The following SPMIP7 variants were observed in gnomAD, a reference collection of about 807,000 sequenced individuals.
The protein encoded by SPMIP7 is sperm microtubule inner protein 7, also known as protein SPMIP7.
At chr7:50,153,704 G>A in the SPMIP7 span, among the ~76,000 whole-genome samples, 1 of 152,168 alleles carries the variant, frequency 6.6e-6, no homozygotes, top group Non-Finnish European at 1.5e-5. Context: ...CTCTGGGAGG[G>A]GGCACTAGAG....
At chr7:50,095,961 G>A in the SPMIP7 span, 929 of 610,112 alleles carry the variant, frequency 1.5e-3, 4 homozygotes, top group African/African-American at 0.016. Flanking sequence ...CATTTAGAAA[G>A]CTGTGTCAAT....
At chr7:50,152,033 AC>A in the SPMIP7 span, among the ~76,000 whole-genome samples, 1 of 152,220 alleles carries the variant, frequency 6.6e-6, no homozygotes. Context: ...ATATTTTTAA[AC>A]CCACATTTTG....
At chr7:50,157,452 A>G in the SPMIP7 span, among the ~76,000 whole-genome samples, 1 of 152,198 alleles carries the variant, frequency 6.6e-6, no homozygotes, top group Non-Finnish European at 1.5e-5. Flanking sequence ...ACACCCTCCC[A>G]CCAGAATGTA....
the SPMIP7 span, chr7:50,096,091 T>G: frequency 6.8e-7 from 1 of 1,472,666 alleles, no homozygotes; most frequent in Non-Finnish European, 9.0e-7. Context: ...AGGCCATGGA[T>G]GTAGAAATTC....
At chr7:50,133,968 T>G in the SPMIP7 span, 1 of 628,940 alleles carries the variant, frequency 1.6e-6, no homozygotes, top group East Asian at 3.0e-5. Flanking sequence ...CCAGGGGAGG[T>G]GATTATATAT....
At chr7:50,144,328 C>G in the SPMIP7 span, among the ~76,000 whole-genome samples, 2 of 152,132 alleles carry the variant, frequency 1.3e-5, no homozygotes, top group African/African-American at 2.4e-5. Flanking sequence ...TTAGACTCTT[C>G]CCCTCATGCA....
chr7:50,096,572 C>T, the SPMIP7 span: 1 of 1,551,928 alleles, frequency 6.4e-7, no homozygotes, highest in Non-Finnish European at 8.7e-7. Flanking sequence ...ATCAGAAGAA[C>T]TGCAACAGAA....
chr7:50,154,935 G>A, the SPMIP7 span, among the ~76,000 whole-genome samples: 6 of 152,090 alleles, frequency 3.9e-5, no homozygotes, highest in African/African-American at 4.8e-5. Flanking sequence ...GTATTTCCCC[G>A]ATGAGCAATG....
chr7:50,150,743 C>T, the SPMIP7 span, among the ~76,000 whole-genome samples: 2 of 152,300 alleles, frequency 1.3e-5, no homozygotes, highest in African/African-American at 4.8e-5. Context: ...CTTGAATGCT[C>T]GTTTGCCTTT....
the SPMIP7 span, among the ~76,000 whole-genome samples, chr7:50,117,864 T>C: frequency 6.6e-6 from 1 of 152,180 alleles, no homozygotes; most frequent in Non-Finnish European, 1.5e-5. Context: ...TCCGTGATTT[T>C]GGCGTGTTAT....
chr7:50,141,367 C>T, the SPMIP7 span: 1 of 1,550,424 alleles, frequency 6.4e-7, no homozygotes, highest in Non-Finnish European at 8.7e-7. Flanking sequence ...TACTCTAAGC[C>T]TCTTTATACA....
chr7:50,157,538 G>A, the SPMIP7 span, among the ~76,000 whole-genome samples: 6 of 152,130 alleles, frequency 3.9e-5, no homozygotes, highest in Admixed American at 3.9e-4. Context: ...GTATCTGTGT[G>A]TATTTATATA....
At chr7:50,131,905 G>A in the SPMIP7 span, among the ~76,000 whole-genome samples, 2 of 152,202 alleles carry the variant, frequency 1.3e-5, no homozygotes, top group African/African-American at 4.8e-5. Context: ...GACAACACGT[G>A]TGGACCTCAA....
chr7:50,136,720 C>T, the SPMIP7 span, among the ~76,000 whole-genome samples: 5,180 of 152,220 alleles, frequency 0.034, 276 homozygotes, highest in African/African-American at 0.12. Context: ...TTCATTACTA[C>T]TACTTCCTCA....
the SPMIP7 span, among the ~76,000 whole-genome samples, chr7:50,108,297 A>G: frequency 2.6e-5 from 4 of 152,222 alleles, no homozygotes; most frequent in Non-Finnish European, 2.9e-5. Context: ...TAGAAAGTGA[A>G]GACAGACAGC....
At chr7:50,138,442 C>T in the SPMIP7 span, among the ~76,000 whole-genome samples, 367 of 152,336 alleles carry the variant, frequency 2.4e-3, no homozygotes, top group Middle Eastern at 6.8e-3. Flanking sequence ...ACAGACATCA[C>T]ATACGAAAAA....
chr7:50,143,437 G>A, the SPMIP7 span, among the ~76,000 whole-genome samples: 1 of 152,162 alleles, frequency 6.6e-6, no homozygotes, highest in Non-Finnish European at 1.5e-5. Context: ...AAAGTGCTGG[G>A]ATTAAGGTGT....
At chr7:50,109,865 T>C in the SPMIP7 span, among the ~76,000 whole-genome samples, 14 of 152,226 alleles carry the variant, frequency 9.2e-5, no homozygotes, top group Admixed American at 9.2e-4. Flanking sequence ...ACAGCACTGA[T>C]ATTGTTGATA....
the SPMIP7 span, among the ~76,000 whole-genome samples, chr7:50,156,600 C>A: frequency 6.6e-6 from 1 of 151,564 alleles, no homozygotes; most frequent in African/African-American, 2.4e-5. Context: ...CCCAAGGTGA[C>A]CCCTTCATTT....
Sources: allele counts gnomAD v4.1 joint callset (sites outside exome capture counted in the v4.1 genomes callset), GRCh38; gene constraint gnomAD v4.1.1; transcripts MANE v1.5; gene names NCBI Gene and HGNC (gene_info 2026-07-23, HGNC 2026-07-21).